ZDHHC2: variants seen among roughly 807,000 people sequenced by gnomAD.
ZDHHC2 encodes palmitoyltransferase ZDHHC2.
A neutral mutation model predicts 55.6 loss-of-function variants in ZDHHC2; 51 were observed. The observed-to-expected ratio is 0.92, with a 90% confidence interval of 0.73 to 1.16. The LOEUF (loss-of-function observed/expected upper bound fraction) is 1.16, where lower values mean the gene tolerates loss of function less well. ZDHHC2 is among the 50% of genes most tolerant of loss of function. The pLI is 0.00. For missense variants in ZDHHC2, 491 were observed against 442.4 expected (o/e 1.11, Z -0.99); for synonymous variants, 199 against 152.9 (o/e 1.30, Z -2.22).
chr8:17,201,404 T>C (rs951657144), intron 6 of ZDHHC2, among the ~76,000 whole-genome samples: 2 of 151,778 alleles, frequency 1.3e-5, no homozygotes, highest in Non-Finnish European at 2.9e-5. Flanking sequence ...TGTGTGAATG[T>C]ATTCATCTAA....
chr8:17,193,651 G>A (rs769792598), intron 3 of ZDHHC2, among the ~76,000 whole-genome samples: 9 of 152,360 alleles, frequency 5.9e-5, no homozygotes, highest in Admixed American at 2.6e-4. Context: ...GGCCCTGGCC[G>A]GGTTCAGAGA....
At chr8:17,173,054 A>G (rs965259340) in intron 1 of ZDHHC2, among the ~76,000 whole-genome samples, 4 of 152,180 alleles carry the variant, frequency 2.6e-5, no homozygotes, top group Admixed American at 2.0e-4. Flanking sequence ...TTTAAACCCT[A>G]CTTTCTAGAG....
At chr8:17,179,931 C>G (rs897337350) in intron 1 of ZDHHC2, among the ~76,000 whole-genome samples, 3 of 151,904 alleles carry the variant, frequency 2.0e-5, no homozygotes, top group Non-Finnish European at 2.9e-5. Flanking sequence ...AGGGCATGGA[C>G]CAAAAAGAAA....
chr8:17,202,217 G>A (rs1455291136), intron 6 of ZDHHC2, among the ~76,000 whole-genome samples: 1 of 152,138 alleles, frequency 6.6e-6, no homozygotes, highest in Non-Finnish European at 1.5e-5. Flanking sequence ...AGTAGAAATT[G>A]TTTGTCTCAT....
intron 1 of ZDHHC2, among the ~76,000 whole-genome samples, chr8:17,166,578 A>G (rs889440058): frequency 6.6e-6 from 1 of 152,186 alleles, no homozygotes; most frequent in African/African-American, 2.4e-5. Context: ...GGCACTGGAT[A>G]CATTTGTTCT....
At position 17,179,741 on chromosome 8, in the gene ZDHHC2, T is replaced by A. The variant is rs566633233; in HGVS notation, c.131-5048T>A. Among the ~76,000 whole-genome samples, 18 of 152,308 alleles carry A rather than the reference T, an allele frequency of 1.2e-4. No homozygotes were observed. In the East Asian group the frequency reaches 3.5e-3, roughly 29 times the overall value. ...TTCCTGAAGGCCATAATTTTACTTT[T>A]GGCAAACAGGAACATTCTTGGTAAC... On this transcript the variant is annotated intron_variant, in intron 1 of 12. Coordinates refer to ENST00000262096, the MANE Select transcript of ZDHHC2 (RefSeq NM_016353.5).
In ZDHHC2 at chr8:17,221,015, A is replaced by C. The variant is rs1174757488; in HGVS notation, c.*794A>C. 1 of 152,296 alleles carries C rather than the reference A, an allele frequency of 6.6e-6. No individual in the cohort carries two copies. Among genetic ancestry groups the C allele is most frequent in the African/African-American group, 2.4e-5 (1 of 41,464 alleles). The allele number at this position is 152,296 out of a possible 1,614,324, so 9.4% of individuals were successfully genotyped here. A position where few individuals can be genotyped will look rare whatever the true frequency, so the allele number is the denominator to read the frequency against. Reference sequence around the variant, plus strand: ...GCAATTATGAAGATTGTTTTATGACATTCTTTTGTCAGTTTGGCTTTCTAA... The same window carrying C: ...GCAATTATGAAGATTGTTTTATGACCTTCTTTTGTCAGTTTGGCTTTCTAA... On this transcript the variant is annotated 3_prime_UTR_variant, in exon 13 of 13. Transcript: ENST00000262096.
chr8:17,190,032 G>T (rs901258239), intron 3 of ZDHHC2, among the ~76,000 whole-genome samples: 5 of 152,074 alleles, frequency 3.3e-5, no homozygotes, highest in African/African-American at 1.2e-4. Flanking sequence ...CAATGGGTGG[G>T]AGTGCCCAGG....
chr8:17,200,045 A>G (rs1021740912), intron 6 of ZDHHC2, among the ~76,000 whole-genome samples: 5 of 152,176 alleles, frequency 3.3e-5, no homozygotes, highest in Admixed American at 6.5e-5. Context: ...GCGAGCCACC[A>G]TGCCTGGCCA....
chr8:17,185,566 A>C (rs1805665865), intron 2 of ZDHHC2, among the ~76,000 whole-genome samples: 1 of 151,996 alleles, frequency 6.6e-6, no homozygotes, highest in South Asian at 2.1e-4. Context: ...GCCACTCAGG[A>C]GGCTGAGGTA....
At chr8:17,207,000 C>T (rs1466119013) in intron 7 of ZDHHC2, among the ~76,000 whole-genome samples, 4 of 152,086 alleles carry the variant, frequency 2.6e-5, no homozygotes, top group African/African-American at 4.8e-5. Context: ...AAAAATGAAC[C>T]GTAATGAATG....
chr8:17,193,359 C>G (rs772137963), intron 3 of ZDHHC2, among the ~76,000 whole-genome samples: 48 of 152,312 alleles, frequency 3.2e-4, no homozygotes, highest in African/African-American at 1.1e-3. Context: ...GACTCTTGTT[C>G]TTCTGCCTTA....
At chr8:17,210,229 TTCA>T (rs1319022856) in intron 9 of ZDHHC2, 156 bp from the exon 10 acceptor site, 1 of 1,070,062 alleles carries the variant, frequency 9.3e-7, no homozygotes, top group Non-Finnish European at 1.3e-6. Context: ...AGTCAGTTAA[TTCA>T]TCATCTTCCT....
chr8:17,214,151 A>T (rs1807526747), intron 10 of ZDHHC2, among the ~76,000 whole-genome samples: 1 of 152,196 alleles, frequency 6.6e-6, no homozygotes, highest in Admixed American at 6.5e-5. Flanking sequence ...CATCACTAAT[A>T]GTTTCTATGC....
intron 1 of ZDHHC2, among the ~76,000 whole-genome samples, chr8:17,166,039 A>G (rs531740680): frequency 6.6e-6 from 1 of 152,220 alleles, no homozygotes; most frequent in Non-Finnish European, 1.5e-5. Flanking sequence ...AGCAGAGATC[A>G]TGGAGGGCCT....
At chr8:17,195,834 T>A (rs1806279587) in intron 4 of ZDHHC2, among the ~76,000 whole-genome samples, 1 of 145,514 alleles carries the variant, frequency 6.9e-6, no homozygotes, top group Non-Finnish European at 1.5e-5. Flanking sequence ...CGCAAGGAAA[T>A]CAGAACTGAC....
At chr8:17,176,917 A>G (rs996281151) in intron 1 of ZDHHC2, among the ~76,000 whole-genome samples, 2 of 152,232 alleles carry the variant, frequency 1.3e-5, no homozygotes, top group Non-Finnish European at 1.5e-5. Flanking sequence ...TCAAAAATGT[A>G]TTAGGAAGAA....
intron 10 of ZDHHC2, among the ~76,000 whole-genome samples, chr8:17,214,518 T>G (rs1384158942): frequency 6.6e-6 from 1 of 152,184 alleles, no homozygotes; most frequent in Non-Finnish European, 1.5e-5. Context: ...ATTAATATTT[T>G]TCTGTATTTA....
At chr8:17,181,928 T>TA (rs1458814925) in intron 1 of ZDHHC2, among the ~76,000 whole-genome samples, 2 of 152,172 alleles carry the variant, frequency 1.3e-5, no homozygotes, top group African/African-American at 4.8e-5. Flanking sequence ...CATTTGACAA[T>TA]AACTTTGTAT....
Sources: allele counts gnomAD v4.1 joint callset (sites outside exome capture counted in the v4.1 genomes callset), GRCh38; gene constraint gnomAD v4.1.1; transcripts MANE v1.5; gene names NCBI Gene and HGNC (gene_info 2026-07-23, HGNC 2026-07-21).